The following XPO5 variants were observed in gnomAD, a reference collection of about 807,000 sequenced individuals.
The protein encoded by XPO5 is exportin-5.
XPO5 carries 46 observed loss-of-function variants against 160.6 expected under a neutral mutation model. The ratio of observed to expected loss-of-function variants is 0.29; its 90% CI spans 0.23 to 0.37. The LOEUF (loss-of-function observed/expected upper bound fraction) is 0.37, where lower values mean the gene tolerates loss of function less well. Ranked by LOEUF, XPO5 falls within the 10% of genes least tolerant of loss-of-function variation. XPO5 has a pLI of 1.00. For missense variants in XPO5, 1,090 were observed against 1,463.9 expected (o/e 0.74, Z 4.17); for synonymous variants, 537 against 519.3 (o/e 1.03, Z -0.46).
rs114195696 is a variant in XPO5 at position 43,557,709 on chromosome 6, T to G, written c.1312+792A>C. Among the ~76,000 whole-genome samples the G allele has an allele frequency of 7.8e-5, 10 of 128,112 alleles. No homozygotes were observed. The Admixed American group carries it at 8.4e-4, about 11-fold the overall frequency. The allele number at this position is 128,112 out of a possible 152,430, so 84.0% of individuals were successfully genotyped here. A position where few individuals can be genotyped will look rare whatever the true frequency, so the allele number is the denominator to read the frequency against. ...TGATGGCTGCACAACTCTGTAAAAA[T>G]ACTAAAAACCATTAAATTATATACT... On this transcript the variant is annotated intron_variant, in intron 12 of 31. Coordinates refer to ENST00000265351, the MANE Select transcript of XPO5 (RefSeq NM_020750.3).
intron 28 of XPO5, 189 bp from the exon 29 acceptor site, chr6:43,525,403 G>A: frequency 1.7e-6 from 1 of 604,640 alleles, no homozygotes; most frequent in Non-Finnish European, 2.9e-6. Context: ...CTCCCGAATA[G>A]CTGGGACTAC....
rs141873758 is a variant in XPO5 at position 43,563,671 on chromosome 6, C to T, written c.912-1325G>A. ...GCTACAAACCTCTATAGCATGTTAC[C>T]GTAGCCAATACTGCAGGCAACTGTA... On this transcript the variant is annotated intron_variant, in intron 8 of 31. Coordinates refer to ENST00000265351, the MANE Select transcript of XPO5 (RefSeq NM_020750.3). Among the ~76,000 whole-genome samples the T allele has an allele frequency of 4.0e-4, 61 of 152,164 alleles. 1 individual carries two copies. The highest frequency in any genetic ancestry group is 3.4e-3 in the Middle Eastern group (1 of 294).
rs1793682574 is a variant in XPO5, at chr6:43,527,614, A to C, written c.2920+20T>G. 1 of 1,613,064 alleles carries C rather than the reference A, an allele frequency of 6.2e-7. No individual in the cohort carries two copies. Among genetic ancestry groups the C allele is most frequent in the East Asian group, 2.2e-5 (1 of 44,852 alleles). ...TTCCAGGAAAATCCTCTATAGCCCC[A>C]GTTTCGACATGCCACTTACTGATTA... On this transcript the variant is annotated intron_variant, in intron 26 of 31. Transcript: ENST00000265351.
chr6:43,528,222 G>A lies in XPO5; in HGVS notation c.2776-17C>T, dbSNP rs1183538983. 6.3e-7 allele frequency: 1 copy of A among 1,582,422 alleles called. No individual in the cohort carries two copies. The highest frequency in any genetic ancestry group is 1.2e-5 in the South Asian group (1 of 86,348). On this transcript the variant is annotated splice_polypyrimidine_tract_variant and intron_variant, in intron 24 of 31. Transcript: ENST00000265351. Reference sequence around the variant, plus strand: ...AGAAAGCCTCTGGGAAAACACAAAGGAAATAAATGCTAGAATTGGGGAAAG... The same window carrying A: ...AGAAAGCCTCTGGGAAAACACAAAGAAAATAAATGCTAGAATTGGGGAAAG...
In XPO5 at chr6:43,539,397, T is replaced by G; in HGVS notation, c.2343-5390A>C. 3.8e-6 allele frequency: 6 copies of G among 1,575,850 alleles called. No homozygotes were observed. The East Asian group carries it at 1.3e-4, about 35-fold the overall frequency. ...GGCATAATCTTCAAAACCTCATCCT[T>G]GAGAGAGGCCCCCAGGAAAAAGTCA... is the stretch of plus-strand genomic sequence containing the variant. On this transcript the variant is annotated intron_variant, in intron 20 of 31. Transcript: ENST00000265351.
At chr6:43,533,670 C>G (rs1794140693) in intron 21 of XPO5, 2 of 297,364 alleles carry the variant, frequency 6.7e-6, no homozygotes, top group African/African-American at 4.3e-5. Flanking sequence ...GACTCTGTCT[C>G]AACAAAAAAA....
intron 20 of XPO5, among the ~76,000 whole-genome samples, chr6:43,534,224 T>G (rs981460511): frequency 6.6e-6 from 1 of 152,148 alleles, no homozygotes; most frequent in African/African-American, 2.4e-5. Context: ...CTAAGATAAA[T>G]TAACATGAGA....
chr6:43,536,921 G>A (rs944012439), intron 20 of XPO5, among the ~76,000 whole-genome samples: 1 of 151,864 alleles, frequency 6.6e-6, no homozygotes. Flanking sequence ...ACTCAACTCT[G>A]CATAGAAAGC....
At chr6:43,548,759 T>C (rs1795089212) in intron 17 of XPO5, among the ~76,000 whole-genome samples, 1 of 151,058 alleles carries the variant, frequency 6.6e-6, no homozygotes, top group South Asian at 2.1e-4. Flanking sequence ...TATATATATA[T>C]GGAGATAACT....
intron 8 of XPO5, among the ~76,000 whole-genome samples, chr6:43,565,438 G>A (rs948314255): frequency 6.6e-6 from 1 of 151,638 alleles, no homozygotes; most frequent in African/African-American, 2.4e-5. Flanking sequence ...ATGGTGGTGC[G>A]CCTGTAATCC....
intron 20 of XPO5, among the ~76,000 whole-genome samples, chr6:43,538,441 C>A (rs140295996): frequency 6.6e-6 from 1 of 151,928 alleles, no homozygotes; most frequent in East Asian, 1.9e-4. Context: ...TGAGGCACCA[C>A]GCTAAGCCTA....
At chr6:43,568,448 T>C (rs986335124) in intron 6 of XPO5, among the ~76,000 whole-genome samples, 1 of 151,370 alleles carries the variant, frequency 6.6e-6, no homozygotes, top group Non-Finnish European at 1.5e-5. Flanking sequence ...CCTGTTTCTA[T>C]AGAAAGTATT....
At chr6:43,543,958 T>A (rs1325469961) in intron 20 of XPO5, among the ~76,000 whole-genome samples, 1 of 152,216 alleles carries the variant, frequency 6.6e-6, no homozygotes, top group African/African-American at 2.4e-5. Flanking sequence ...ATTATAGGCA[T>A]GAGCTACCGC....
chr6:43,564,258 G>A (rs1297492050), intron 8 of XPO5, among the ~76,000 whole-genome samples: 2 of 152,170 alleles, frequency 1.3e-5, no homozygotes, highest in South Asian at 2.1e-4. Context: ...AGCCGGGCAC[G>A]GTGGCTCATG....
At chr6:43,571,823 A>G (rs1446323020) in intron 3 of XPO5, among the ~76,000 whole-genome samples, 1 of 152,100 alleles carries the variant, frequency 6.6e-6, no homozygotes. Flanking sequence ...AAAAAGTCAT[A>G]TTCTAATACT....
At chr6:43,549,305 C>A (rs1032962654) in intron 17 of XPO5, among the ~76,000 whole-genome samples, 184 bp downstream of exon 17, 2 of 152,328 alleles carry the variant, frequency 1.3e-5, no homozygotes, top group Non-Finnish European at 2.9e-5. Flanking sequence ...CTCAGGTGAT[C>A]TACCCACCTC....
intron 12 of XPO5, 51 bp downstream of exon 12, chr6:43,558,450 T>C: frequency 6.8e-7 from 1 of 1,474,906 alleles, no homozygotes; most frequent in South Asian, 1.3e-5. Context: ...TTCATAATAC[T>C]AGATGCCATT....
chr6:43,575,997 G>T lies in XPO5; in HGVS notation c.-133C>A, dbSNP rs1049814608. On this transcript the variant is annotated 5_prime_UTR_variant, in exon 1 of 32. Transcript: ENST00000265351. ...GGGGGTGGGAAGCTGGAGGAGGAGCGTTAGCAGCAACTCGCGCTGGGAAGA... is the reference window on the plus strand; with the variant it reads ...GGGGGTGGGAAGCTGGAGGAGGAGCTTTAGCAGCAACTCGCGCTGGGAAGA... 1.3e-6 allele frequency: 1 copy of T among 771,730 alleles called. No homozygotes were observed. Among genetic ancestry groups the T allele is most frequent in the Non-Finnish European group, 2.1e-6 (1 of 486,056 alleles). 47.8% of individuals were successfully genotyped at this position (771,730 alleles called of 1,614,324 possible).
In XPO5 at chr6:43,570,839, T is replaced by C; in HGVS notation, c.438+18A>G. On this transcript the variant is annotated intron_variant, in intron 4 of 31. Transcript: ENST00000265351. ...TCCAAGGAAAAGTATACCAAACTGA[T>C]ATAGCTGTGTTTCATACCCCTTGTT... The C allele has an allele frequency of 6.3e-7, 1 of 1,599,148 alleles. No individual in the cohort carries two copies. The highest frequency in any genetic ancestry group is 8.5e-7 in the Non-Finnish European group (1 of 1,174,774).
Sources: allele counts gnomAD v4.1 joint callset (sites outside exome capture counted in the v4.1 genomes callset), GRCh38; gene constraint gnomAD v4.1.1; transcripts MANE v1.5; gene names NCBI Gene and HGNC (gene_info 2026-07-23, HGNC 2026-07-21).